Variants in ZDHHC21 observed in about 807,000 individuals in gnomAD.
ZDHHC21 encodes the protein palmitoyltransferase ZDHHC21.
In ZDHHC21, 15 loss-of-function variants were observed where a neutral mutation model predicts 34.6. The observed-to-expected ratio is 0.43, with a 90% CI of 0.29 to 0.67. The LOEUF (loss-of-function observed/expected upper bound fraction) is 0.67, where lower values mean the gene tolerates loss of function less well. Among genes scored for constraint, ZDHHC21 ranks in the 30% least tolerant of loss-of-function variants. The pLI, the probability that ZDHHC21 is intolerant of heterozygous loss-of-function variation, is 0.14. For synonymous variants in ZDHHC21, 142 were observed against 101.8 expected, an observed-to-expected ratio of 1.40 and a Z score of -2.38; for missense variants, 344 against 327.7, an observed-to-expected ratio of 1.05 and a Z score of -0.38.
intron 7 of ZDHHC21, among the ~76,000 whole-genome samples, chr9:14,656,421 ATATGTATGAAT>A (rs1832221856): frequency 6.6e-6 from 1 of 151,952 alleles, no homozygotes; most frequent in African/African-American, 2.4e-5. Context: ...TAACTTGATA[ATATGTATGAAT>A]TACTTCATTC....
chr9:14,681,804 T>C (rs12001605), intron 2 of ZDHHC21, among the ~76,000 whole-genome samples: 4,752 of 151,314 alleles, frequency 0.031, 259 homozygotes, highest in African/African-American at 0.11. Context: ...ATACTAAAAA[T>C]GGGCAGATCG....
chr9:14,634,102 T>C (rs1489162132), intron 8 of ZDHHC21, among the ~76,000 whole-genome samples: 4 of 152,202 alleles, frequency 2.6e-5, no homozygotes, highest in East Asian at 1.9e-4. Context: ...CAGTCCACCA[T>C]TGCTGGCACC....
At chr9:14,670,049 A>G (rs1173463884) in intron 5 of ZDHHC21, among the ~76,000 whole-genome samples, 1 of 151,982 alleles carries the variant, frequency 6.6e-6, no homozygotes, top group African/African-American at 2.4e-5. Context: ...CAAACAAAAA[A>G]ACTTTGAATT....
chr9:14,635,791 G>A (rs759535652), intron 8 of ZDHHC21, among the ~76,000 whole-genome samples: 1 of 152,114 alleles, frequency 6.6e-6, no homozygotes, highest in Non-Finnish European at 1.5e-5. Context: ...AACCTGGGAG[G>A]TGGAGGTTGC....
At chr9:14,626,039 G>A (rs949492700) in intron 8 of ZDHHC21, among the ~76,000 whole-genome samples, 7 of 151,894 alleles carry the variant, frequency 4.6e-5, no homozygotes, top group African/African-American at 7.2e-5. Flanking sequence ...AATAAGTCTC[G>A]CACTAATCAG....
At chr9:14,685,272 C>T (rs1418634901) in intron 2 of ZDHHC21, among the ~76,000 whole-genome samples, 5 of 151,890 alleles carry the variant, frequency 3.3e-5, no homozygotes, top group African/African-American at 9.6e-5. Flanking sequence ...AGGCAACCTA[C>T]AGAATGGGAG....
intron 3 of ZDHHC21, among the ~76,000 whole-genome samples, chr9:14,678,795 A>C (rs1020892875): frequency 6.6e-6 from 1 of 152,160 alleles, no homozygotes; most frequent in Non-Finnish European, 1.5e-5. Flanking sequence ...ATGATCAAAT[A>C]AATTCTAATA....
chr9:14,605,969 G>T, the ZDHHC21 span, among the ~76,000 whole-genome samples: 1 of 151,926 alleles, frequency 6.6e-6, no homozygotes, highest in Admixed American at 6.6e-5. Context: ...GGATTCAAGG[G>T]CATAATAGTT....
chr9:14,621,338 G>A (rs113159914), intron 8 of ZDHHC21, among the ~76,000 whole-genome samples: 11,335 of 151,990 alleles, frequency 0.075, 497 homozygotes, highest in Admixed American at 0.12. Context: ...TTTTTACTAT[G>A]GAGAAATTAC....
the ZDHHC21 span, among the ~76,000 whole-genome samples, chr9:14,600,579 A>C: frequency 6.6e-6 from 1 of 152,338 alleles, no homozygotes; most frequent in African/African-American, 2.4e-5. Context: ...CATATTGCCC[A>C]AAGTAATTCA....
At chr9:14,682,486 C>G (rs1239813993) in intron 2 of ZDHHC21, among the ~76,000 whole-genome samples, 4 of 152,160 alleles carry the variant, frequency 2.6e-5, no homozygotes, top group East Asian at 3.8e-4. Flanking sequence ...ACAAGAAGAG[C>G]TAACTATCCT....
At chr9:14,674,102 A>G (rs1388422732) in intron 4 of ZDHHC21, 85 bp downstream of exon 4, 1 of 831,132 alleles carries the variant, frequency 1.2e-6, no homozygotes, top group East Asian at 3.2e-5. Flanking sequence ...TATTAAAAGG[A>G]AAGTTATCAT....
At chr9:14,685,589 C>A (rs1201395489) in intron 2 of ZDHHC21, among the ~76,000 whole-genome samples, 1 of 152,222 alleles carries the variant, frequency 6.6e-6, no homozygotes, top group East Asian at 1.9e-4. Context: ...AACAGGAACA[C>A]TTTTACACTG....
intron 7 of ZDHHC21, among the ~76,000 whole-genome samples, chr9:14,656,145 T>C (rs80197004): frequency 0.013 from 1,996 of 152,020 alleles, 49 homozygotes; most frequent in Admixed American, 0.06. Context: ...TCTAAATCAA[T>C]GAAATGACTG....
the ZDHHC21 span, chr9:14,589,902 C>G: frequency 3.3e-5 from 5 of 152,166 alleles, no homozygotes; most frequent in African/African-American, 1.2e-4. Context: ...AACAATCCAG[C>G]ATCCAACTAA....
At chr9:14,622,566 G>C (rs1251326875) in intron 8 of ZDHHC21, 6 of 985,144 alleles carry the variant, frequency 6.1e-6, no homozygotes, top group East Asian at 1.1e-4. Context: ...TCTTGGCATA[G>C]AGCGCTTGAT....
rs770489269 is a variant in ZDHHC21, at chr9:14,617,402, T to G, written c.*1564A>C. On this transcript the variant is annotated 3_prime_UTR_variant, in exon 10 of 10. Coordinates refer to ENST00000380916, the MANE Select transcript of ZDHHC21 (RefSeq NM_178566.6). ...GAACTTACTCTATTATTTCAGAATA[T>G]GCTACAAGATATTTACAATTTCTGA... The G allele has an allele frequency of 6.6e-6, 1 of 151,986 alleles. No individual in the cohort carries two copies. 9.4% of individuals were successfully genotyped at this position (151,986 alleles called of 1,614,324 possible).
chr9:14,633,416 C>T (rs1827705564), intron 8 of ZDHHC21, among the ~76,000 whole-genome samples: 1 of 152,086 alleles, frequency 6.6e-6, no homozygotes, highest in Non-Finnish European at 1.5e-5. Flanking sequence ...GCCCCTAAAC[C>T]CTCACAAGTC....
rs568527038 is a variant in ZDHHC21 at position 14,615,423 on chromosome 9, T to C, written c.*3543A>G. On this transcript the variant is annotated 3_prime_UTR_variant, in exon 10 of 10. Coordinates refer to ENST00000380916, the MANE Select transcript of ZDHHC21 (RefSeq NM_178566.6). ...TGAACATTACGTATTATGTTCTCTATTTCATTATTAAAAATAAACCATGCT... is the reference window on the plus strand; with the variant it reads ...TGAACATTACGTATTATGTTCTCTACTTCATTATTAAAAATAAACCATGCT... 2.6e-5 allele frequency: 4 copies of C among 151,830 alleles called. No individual in the cohort carries two copies. The highest frequency in any genetic ancestry group is 5.9e-5 in the Non-Finnish European group (4 of 67,770). The allele number at this position is 151,830 out of a possible 1,614,324, so 9.4% of individuals were successfully genotyped here.
Sources: allele counts gnomAD v4.1 joint callset (sites outside exome capture counted in the v4.1 genomes callset), GRCh38; gene constraint gnomAD v4.1.1; transcripts MANE v1.5; gene names NCBI Gene and HGNC (gene_info 2026-07-23, HGNC 2026-07-21).